FAM168A: variants seen among roughly 807,000 people sequenced by gnomAD.
The protein encoded by FAM168A is family with sequence similarity 168 member A.
In FAM168A, 3 loss-of-function variants were observed where a neutral mutation model predicts 28.5. The observed-to-expected ratio is 0.11, with a 90% CI of 0.05 to 0.27. The LOEUF (loss-of-function observed/expected upper bound fraction) is 0.27, where lower values mean the gene tolerates loss of function less well. Ranked by LOEUF, FAM168A falls within the 10% of genes least tolerant of loss-of-function variation. FAM168A has a pLI of 1.00. For missense variants in FAM168A, 222 were observed against 311.5 expected, an observed-to-expected ratio of 0.71 and a Z score of 2.16; for synonymous variants, 122 against 124.2, an observed-to-expected ratio of 0.98 and a Z score of 0.12.
chr11:73,457,903 C>A (rs1370792773), intron 2 of FAM168A, among the ~76,000 whole-genome samples: 1 of 152,000 alleles, frequency 6.6e-6, no homozygotes, highest in Non-Finnish European at 1.5e-5. Context: ...CTTAACTTAG[C>A]TGAACCTTAT....
chr11:73,483,006 C>T (rs1259816427), intron 1 of FAM168A, among the ~76,000 whole-genome samples: 8 of 152,308 alleles, frequency 5.3e-5, no homozygotes, highest in Non-Finnish European at 8.8e-5. Flanking sequence ...TCCCAAAGTG[C>T]TGGAATTATT....
chr11:73,434,504 G>C (rs1345392844), intron 2 of FAM168A, among the ~76,000 whole-genome samples: 1 of 152,188 alleles, frequency 6.6e-6, no homozygotes, highest in East Asian at 1.9e-4. Flanking sequence ...GAGTGTTTTA[G>C]ACAAAACAGT....
intron 2 of FAM168A, among the ~76,000 whole-genome samples, chr11:73,440,064 T>G (rs1468857111): frequency 6.6e-6 from 1 of 152,032 alleles, no homozygotes; most frequent in Non-Finnish European, 1.5e-5. Flanking sequence ...TTTTGTATTT[T>G]TAGTAGAGAC....
intron 1 of FAM168A, among the ~76,000 whole-genome samples, chr11:73,523,864 A>ATT (rs112025313): frequency 0.13 from 18,944 of 145,098 alleles, 1,369 homozygotes; most frequent in African/African-American, 0.19. Context: ...CTTTTCCCCT[A>ATT]TTTTTTTTTT....
intron 2 of FAM168A, among the ~76,000 whole-genome samples, chr11:73,454,307 G>A (rs777336535): frequency 1.6e-4 from 25 of 152,336 alleles, no homozygotes; most frequent in Non-Finnish European, 3.4e-4. Context: ...AGAGCTAACG[G>A]AAACTACTAA....
intron 2 of FAM168A, 152 bp from the exon 3 acceptor site, chr11:73,430,922 T>C (rs1320004598): frequency 5.4e-6 from 3 of 552,468 alleles, no homozygotes; most frequent in East Asian, 3.3e-5. Context: ...AGATAGTATA[T>C]GTGACCAGCT....
intron 1 of FAM168A, among the ~76,000 whole-genome samples, chr11:73,471,852 AT>A (rs1215156148): frequency 2.0e-5 from 3 of 152,156 alleles, no homozygotes; most frequent in Admixed American, 6.5e-5. Context: ...TCAGATGGCA[AT>A]AAAAACTGTA....
chr11:73,578,507 C>G (rs1471516984), intron 1 of FAM168A, among the ~76,000 whole-genome samples: 3 of 152,140 alleles, frequency 2.0e-5, no homozygotes, highest in Non-Finnish European at 2.9e-5. Flanking sequence ...CACACACACA[C>G]AATTTTCTTT....
intron 1 of FAM168A, among the ~76,000 whole-genome samples, chr11:73,559,608 A>C (rs1415242382): frequency 6.6e-6 from 1 of 152,200 alleles, no homozygotes; most frequent in Non-Finnish European, 1.5e-5. Flanking sequence ...TGAAAAGCAG[A>C]TTAGTTGCCG....
chr11:73,495,156 C>T (rs1436421597), intron 1 of FAM168A, among the ~76,000 whole-genome samples: 1 of 151,418 alleles, frequency 6.6e-6, no homozygotes, highest in African/African-American at 2.4e-5. Flanking sequence ...AAACTGATCC[C>T]GTCTCTGCTG....
chr11:73,589,379 T>C (rs929476538), intron 1 of FAM168A, among the ~76,000 whole-genome samples: 7 of 151,978 alleles, frequency 4.6e-5, no homozygotes, highest in Non-Finnish European at 1.0e-4. Flanking sequence ...CTACCAATTG[T>C]CAAGTTTTGG....
chr11:73,572,363 G>A (rs368484759), intron 1 of FAM168A, among the ~76,000 whole-genome samples: 9,791 of 150,794 alleles, frequency 0.065, 418 homozygotes, highest in Non-Finnish European at 0.096. Flanking sequence ...CTACCACCCC[G>A]TCTGGGAGGT....
At chr11:73,553,606 A>T (rs1383414630) in intron 1 of FAM168A, among the ~76,000 whole-genome samples, 1 of 152,186 alleles carries the variant, frequency 6.6e-6, no homozygotes, top group African/African-American at 2.4e-5. Context: ...TCTAGCGGGT[A>T]GTCACTCTTT....
intron 5 of FAM168A, chr11:73,410,797 T>A (rs1213802449): frequency 6.6e-6 from 1 of 152,324 alleles, no homozygotes; most frequent in Non-Finnish European, 1.5e-5. Context: ...GAATGTGTCA[T>A]GGGTGTGCTA....
intron 1 of FAM168A, among the ~76,000 whole-genome samples, chr11:73,543,014 G>C (rs987509593): frequency 6.6e-6 from 1 of 152,020 alleles, no homozygotes; most frequent in African/African-American, 2.4e-5. Flanking sequence ...AATATGACTT[G>C]CTCCTTTATT....
chr11:73,557,919 GAGAAA>G (rs1943909403), intron 1 of FAM168A, among the ~76,000 whole-genome samples: 1 of 152,150 alleles, frequency 6.6e-6, no homozygotes, highest in Non-Finnish European at 1.5e-5. Flanking sequence ...ACTAATCAAT[GAGAAA>G]AGAAAAGTTT....
rs571376000 is a variant in FAM168A at position 73,591,130 on chromosome 11, C to T, written c.-19+6793G>A. On this transcript the variant is annotated intron_variant, in intron 1 of 7. Coordinates refer to ENST00000356467, the MANE Select transcript of FAM168A (RefSeq NM_015159.3). ...CTGTACTCCAGGCCGGGAGACAAAG[C>T]GAGACTCTGTCTCAAAAAAAAAAAG... Among the ~76,000 whole-genome samples, 5 of 151,658 alleles carry T rather than the reference C, an allele frequency of 3.3e-5. No homozygotes were observed. In the South Asian group the frequency reaches 8.4e-4, roughly 25 times the overall value.
chr11:73,508,324 AG>A (rs11326716), intron 1 of FAM168A, among the ~76,000 whole-genome samples: 11,729 of 152,280 alleles, frequency 0.077, 550 homozygotes, highest in Non-Finnish European at 0.11. Flanking sequence ...TTAATAAAAA[AG>A]GAAAAAAATA....
intron 1 of FAM168A, among the ~76,000 whole-genome samples, chr11:73,597,466 C>A (rs1455939191): frequency 6.6e-6 from 1 of 151,910 alleles, no homozygotes; most frequent in Non-Finnish European, 1.5e-5. Context: ...CCTGTACATG[C>A]CACTCACTCT....
Sources: allele counts gnomAD v4.1 joint callset (sites outside exome capture counted in the v4.1 genomes callset), GRCh38; gene constraint gnomAD v4.1.1; transcripts MANE v1.5; gene names NCBI Gene and HGNC (gene_info 2026-07-23, HGNC 2026-07-21).